The following FER variants were observed in gnomAD, a reference collection of about 807,000 sequenced individuals.
The protein encoded by FER is FER tyrosine kinase.
FER carries 63 observed loss-of-function variants against 111.0 expected under a neutral mutation model. The ratio of observed to expected loss-of-function variants is 0.57; its 90% CI spans 0.46 to 0.70. FER has a LOEUF of 0.70. FER is among the 30% of genes least tolerant of loss of function. FER has a pLI of 0.00. For missense variants in FER, 914 were observed against 954.0 expected, an observed-to-expected ratio of 0.96 and a Z score of 0.55; for synonymous variants, 327 against 313.9, an observed-to-expected ratio of 1.04 and a Z score of -0.44.
intron 2 of FER, chr5:108,785,236 C>T: frequency 3.4e-6 from 2 of 586,210 alleles, no homozygotes; most frequent in Non-Finnish European, 6.3e-6. Flanking sequence ...CATCTGGAGG[C>T]AAGGATGGCC....
At position 108,918,969 on chromosome 5, in the gene FER, T is replaced by A. The variant is rs3851454; in HGVS notation, c.1236+21121T>A. Among the ~76,000 whole-genome samples, 59 of 152,360 alleles carry A rather than the reference T, an allele frequency of 3.9e-4. No individual in the cohort carries two copies. In the South Asian group the frequency reaches 0.012, roughly 30 times the overall value. On this transcript the variant is annotated intron_variant, in intron 10 of 19. Coordinates refer to ENST00000281092, the MANE Select transcript of FER (RefSeq NM_005246.4). ...CTGTAAAATTAGTAGGATTTGTTAG[T>A]TAATTCATTAGCTGAGTTTCAAAAA...
intron 16 of FER, 36 bp from the exon 17 acceptor site, chr5:109,100,348 GACTTTCATCATA>G: frequency 2.5e-6 from 4 of 1,596,574 alleles, no homozygotes; most frequent in Non-Finnish European, 2.6e-6. Flanking sequence ...TGATAAATGT[GACTTTCATCATA>G]ACTTTGTCTC....
At chr5:108,993,589 G>C (rs1001835235) in intron 13 of FER, among the ~76,000 whole-genome samples, 1 of 147,386 alleles carries the variant, frequency 6.8e-6, no homozygotes, top group Non-Finnish European at 1.5e-5. Context: ...GAGAGGGAGA[G>C]GGAGAGGGCG....
At chr5:109,085,516 G>T (rs1051616386) in intron 16 of FER, among the ~76,000 whole-genome samples, 8 of 150,324 alleles carry the variant, frequency 5.3e-5, no homozygotes, top group Admixed American at 2.0e-4. Context: ...TCTGCAAAGA[G>T]ATTTTACTTC....
At chr5:108,890,211 T>G (rs549788636) in intron 9 of FER, among the ~76,000 whole-genome samples, 8 of 152,212 alleles carry the variant, frequency 5.3e-5, no homozygotes, top group African/African-American at 1.7e-4. Flanking sequence ...GGCTTTTTAT[T>G]CAGCATAATT....
intron 1 of FER, among the ~76,000 whole-genome samples, chr5:108,757,017 T>C (rs1315196222): frequency 6.6e-6 from 1 of 152,200 alleles, no homozygotes; most frequent in Non-Finnish European, 1.5e-5. Context: ...CTTTTTGTGA[T>C]CTGGAACCAA....
chr5:109,151,130 T>C (rs59672639), intron 17 of FER, among the ~76,000 whole-genome samples: 10,057 of 152,206 alleles, frequency 0.066, 373 homozygotes, highest in Middle Eastern at 0.11. Context: ...CCTGCCGTGC[T>C]ATACTTTTTT....
intron 3 of FER, among the ~76,000 whole-genome samples, chr5:108,830,946 T>C (rs1759980941): frequency 6.6e-6 from 1 of 152,198 alleles, no homozygotes; most frequent in Non-Finnish European, 1.5e-5. Context: ...CAATACAGGA[T>C]TCTATAGATA....
At chr5:109,139,858 C>T (rs1368589090) in intron 17 of FER, among the ~76,000 whole-genome samples, 1 of 149,788 alleles carries the variant, frequency 6.7e-6, no homozygotes, top group African/African-American at 2.5e-5. Context: ...AGCCAGTTAG[C>T]TGACAGGATC....
intron 2 of FER, chr5:108,784,054 T>C (rs1754389949): frequency 1.3e-5 from 2 of 153,382 alleles, no homozygotes; most frequent in Admixed American, 1.3e-4. Context: ...ATGCCTGTCT[T>C]TGTTTCTCTT....
Position 108,883,412 on chromosome 5 carries a change from G to C in FER, c.940G>C (p.Glu314Gln), listed in dbSNP as rs372482792. 3 of 1,606,492 alleles carry C rather than the reference G, an allele frequency of 1.9e-6. No individual in the cohort carries two copies. In the African/African-American group the frequency reaches 4.0e-5, roughly 22 times the overall value. The change falls in exon 9 of 20, where the codon GAA becomes CAA. Residue 314 changes from glutamate (E) to glutamine (Q), a missense_variant. Coordinates refer to ENST00000281092, the MANE Select transcript of FER (RefSeq NM_005246.4). ...SLQVMLKTLA[E>Q]ELMQTQQMLL... is the part of the protein sequence containing the mutation. Reference sequence around the variant, plus strand: ...TTATTCTAGGTTGAAAACGTTAGCGGAAGAACTTATGCAAACACAGCAGAT... The same window carrying C: ...TTATTCTAGGTTGAAAACGTTAGCGCAAGAACTTATGCAAACACAGCAGAT...
intron 13 of FER, among the ~76,000 whole-genome samples, chr5:109,033,823 CT>C (rs942584335): frequency 3.2e-4 from 48 of 151,994 alleles, no homozygotes; most frequent in Admixed American, 2.8e-3. Flanking sequence ...AGTCACATGT[CT>C]TTTTTTATTA....
At chr5:108,793,790 T>G (rs1755677371) in intron 2 of FER, among the ~76,000 whole-genome samples, 1 of 118,032 alleles carries the variant, frequency 8.5e-6, no homozygotes, top group Non-Finnish European at 1.7e-5. Context: ...TTGTATTCAT[T>G]GTATGTTTTT....
intron 17 of FER, among the ~76,000 whole-genome samples, chr5:109,158,177 G>C (rs1182733067): frequency 6.6e-6 from 1 of 151,994 alleles, no homozygotes; most frequent in Non-Finnish European, 1.5e-5. Flanking sequence ...CCAGGACTTA[G>C]AGACCAGCCT....
At chr5:109,087,496 T>G (rs116357416) in intron 16 of FER, among the ~76,000 whole-genome samples, 4,087 of 151,954 alleles carry the variant, frequency 0.027, 89 homozygotes, top group Non-Finnish European at 0.043. Flanking sequence ...ACTGATTATA[T>G]GTTTGTCTTT....
chr5:108,824,868 A>G (rs932899891), intron 3 of FER, among the ~76,000 whole-genome samples: 1 of 152,154 alleles, frequency 6.6e-6, no homozygotes, highest in Non-Finnish European at 1.5e-5. Flanking sequence ...TGAGAAATAA[A>G]AGGACAGAGT....
At chr5:109,052,973 A>G (rs1247331223) in intron 16 of FER, among the ~76,000 whole-genome samples, 1 of 152,224 alleles carries the variant, frequency 6.6e-6, no homozygotes, top group Non-Finnish European at 1.5e-5. Flanking sequence ...GCATGATTTT[A>G]TAGCATCATG....
intron 10 of FER, among the ~76,000 whole-genome samples, chr5:108,914,231 C>CTG (rs35365353): frequency 0.077 from 10,836 of 141,150 alleles, 376 homozygotes; most frequent in East Asian, 0.074. Flanking sequence ...ACTTGTCTCT[C>CTG]TGTGTGTGTG....
At chr5:108,909,277 T>A (rs1428210883) in intron 10 of FER, among the ~76,000 whole-genome samples, 1 of 152,220 alleles carries the variant, frequency 6.6e-6, no homozygotes, top group African/African-American at 2.4e-5. Flanking sequence ...TTTTTTTTAT[T>A]ATAGTATTGT....
Sources: gnomAD v4.1 joint callset for allele counts (sites outside exome capture counted in the v4.1 genomes callset) on GRCh38, gnomAD v4.1.1 for gene constraint, MANE v1.5 for transcripts, NCBI Gene and HGNC (gene_info 2026-07-23, HGNC 2026-07-21) for gene names.